The following PFKFB3 variants were observed in gnomAD, a reference collection of about 807,000 sequenced individuals.
PFKFB3 encodes the protein 6-phosphofructo-2-kinase/fructose-2,6-biphosphatase 3, also known as 6-phosphofructo-2-kinase/fructose-2,6-bisphosphatase 3.
A neutral mutation model predicts 68.0 loss-of-function variants in PFKFB3; 33 were observed. The observed-to-expected ratio is 0.49, with a 90% confidence interval of 0.37 to 0.65. The LOEUF (loss-of-function observed/expected upper bound fraction) is 0.65. Among genes scored for constraint, PFKFB3 ranks in the 30% least tolerant of loss-of-function variants. PFKFB3 has a pLI of 0.00. For missense variants in PFKFB3, 586 were observed against 712.2 expected (o/e 0.82, Z 2.02); for synonymous variants, 315 against 288.2 (o/e 1.09, Z -0.94).
chr10:6,283,712 C>A, the PFKFB3 span, among the ~76,000 whole-genome samples: 11 of 152,266 alleles, frequency 7.2e-5, no homozygotes, highest in African/African-American at 2.6e-4. Flanking sequence ...CTGTGGACCC[C>A]CAGATTGAAG....
chr10:6,144,995 G>T, exon 1 of PFKFB3: 1 of 1,326,360 alleles, frequency 7.5e-7, no homozygotes, highest in South Asian at 1.9e-5. Flanking sequence ...CGCCCCCGGC[G>T]CGATGCCCTT....
chr10:6,262,343 GCTCC>G, the PFKFB3 span, among the ~76,000 whole-genome samples: 1 of 128,020 alleles, frequency 7.8e-6, no homozygotes, highest in East Asian at 2.3e-4. Flanking sequence ...AGTCCCAGCT[GCTCC>G]AGAGGCTGAG....
chr10:6,228,205 G>T lies in PFKFB3; in HGVS notation c.1515+1840G>T. 6.2e-7 allele frequency: 1 copy of T among 1,612,794 alleles called. No homozygotes were observed. The highest frequency in any genetic ancestry group is 2.2e-5 in the East Asian group (1 of 44,876). On this transcript the variant is annotated intron_variant, in intron 14 of 14. Transcript: ENST00000379775. This position sits in a 1 kb window ranked among gnomAD's most constrained non-coding sequence, Gnocchi z 4.5. ...TGCTTCTCCTCCGCAGCCTTTGCTAGGGCAAGCCTGTCTGTAAGTATCTCT... is the reference window on the plus strand; with the variant it reads ...TGCTTCTCCTCCGCAGCCTTTGCTATGGCAAGCCTGTCTGTAAGTATCTCT...
upstream of PFKFB3, among the ~76,000 whole-genome samples, chr10:6,201,162 C>A (rs1030479791): frequency 6.6e-6 from 1 of 151,990 alleles, no homozygotes; most frequent in South Asian, 2.1e-4. The surrounding 1 kb of genome is among the most constrained non-coding windows in gnomAD (Gnocchi z 4.1). Flanking sequence ...CCCCCGCGAA[C>A]CCCAGGGCGG....
intron 4 of PFKFB3, 75 bp from the exon 5 acceptor site, chr10:6,216,631 A>G: frequency 2.0e-6 from 2 of 1,011,742 alleles, no homozygotes; most frequent in East Asian, 2.4e-5. Context: ...TGGGTCTGGC[A>G]TCTTTGCTGT....
downstream of PFKFB3, among the ~76,000 whole-genome samples, chr10:6,257,833 C>A (rs111455757): frequency 3.0e-3 from 456 of 152,274 alleles, 3 homozygotes; most frequent in African/African-American, 0.01. Flanking sequence ...TCGGGTCTGG[C>A]ACCCACCTGA....
At chr10:6,149,989 A>C (rs961975605) in intron 1 of PFKFB3, 4 of 152,182 alleles carry the variant, frequency 2.6e-5, no homozygotes, top group African/African-American at 9.7e-5. Context: ...GTTGTTGGAC[A>C]CCTAGGTTGA....
At position 6,226,214 on chromosome 10, in the gene PFKFB3, C is replaced by T. The variant is rs143645269; in HGVS notation, c.1364C>T (p.Pro455Leu). ...TAGGATGCAAAGAAGGGACCTAACC[C>T]GCTCATGAGACGCAATAGTGTCACC... ...RSEDAKKGPN[P>L]LMRRNSVTPL... The change falls in exon 14 of 15, where the codon CCG becomes CTG. Residue 455 changes from proline (P) to leucine (L), a missense_variant. Coordinates refer to ENST00000379775, the MANE Select transcript of PFKFB3 (RefSeq NM_004566.4). 9.0e-4 allele frequency: 1,453 copies of T among 1,609,250 alleles called. 4 individuals are homozygous for T. Among genetic ancestry groups the T allele is most frequent in the Middle Eastern group, 4.0e-3 (24 of 6,038 alleles).
At position 6,229,134 on chromosome 10, in the gene PFKFB3, G is replaced by A. The variant is rs771648969; in HGVS notation, c.1515+2769G>A. On this transcript the variant is annotated intron_variant, in intron 14 of 14. Coordinates refer to ENST00000379775, the MANE Select transcript of PFKFB3 (RefSeq NM_004566.4). The surrounding 1 kb of genome is among the most constrained non-coding windows in gnomAD (Gnocchi z 4.3). ...AAACTGGAAAGGTGTGATGAGGAAT[G>A]CAGCCTGAGATGCTGAAAAGAATGA... The A allele has an allele frequency of 1.9e-6, 1 of 516,300 alleles. No homozygotes were observed. Among genetic ancestry groups the A allele is most frequent in the East Asian group, 5.7e-5 (1 of 17,454 alleles). The allele number at this position is 516,300 out of a possible 1,614,324, so 32.0% of individuals were successfully genotyped here. A position where few individuals can be genotyped will look rare whatever the true frequency, so the allele number is the denominator to read the frequency against.
chr10:6,222,628 A>G (rs1009008607), intron 10 of PFKFB3: 4 of 370,844 alleles, frequency 1.1e-5, no homozygotes, highest in South Asian at 3.4e-5. Flanking sequence ...TCTTTCACAC[A>G]GCATTGAGTT....
At position 6,207,788 on chromosome 10, in the gene PFKFB3, A is replaced by G. The variant is rs565077163; in HGVS notation, c.76+4452A>G. On this transcript the variant is annotated intron_variant, in intron 1 of 14. Transcript: ENST00000379775. ...TTACAAAACCTGTAGCTTCCTTCGC[A>G]TGCATCCTGTAACTCCTGCTGACTT... 6.6e-5 allele frequency among the ~76,000 whole-genome samples: 10 copies of G among 152,342 alleles called. No homozygotes were observed. The East Asian group carries it at 1.9e-3, about 29-fold the overall frequency.
intron 1 of PFKFB3, among the ~76,000 whole-genome samples, chr10:6,165,161 C>G (rs1280521464): frequency 6.6e-6 from 1 of 152,180 alleles, no homozygotes; most frequent in African/African-American, 2.4e-5. Flanking sequence ...GTCCCTGCAG[C>G]CTTCTGCAGT....
At chr10:6,207,417 G>A (rs1469545332) in intron 1 of PFKFB3, among the ~76,000 whole-genome samples, 1 of 152,196 alleles carries the variant, frequency 6.6e-6, no homozygotes, top group Admixed American at 6.5e-5. Context: ...GGCATCAGAG[G>A]GAGACCGTGG....
At chr10:6,260,410 T>G in the PFKFB3 span, among the ~76,000 whole-genome samples, 1 of 38,838 alleles carries the variant, frequency 2.6e-5, no homozygotes, top group East Asian at 9.5e-4. Flanking sequence ...CGAGACTCCG[T>G]CTCAAAAAAA....
In PFKFB3 at chr10:6,167,112, G is replaced by C. The variant is rs1168255781; in HGVS notation, c.16+22099G>C. Among the ~76,000 whole-genome samples the C allele has an allele frequency of 2.0e-5, 3 of 152,186 alleles. No individual in the cohort carries two copies. The South Asian group carries it at 6.2e-4, about 31-fold the overall frequency. ...TGGGATTACAGGCGTGAGCCACCTTGCCTGGCCTCCTAGCCTTTCTTTTTT... is the reference window on the plus strand; with the variant it reads ...TGGGATTACAGGCGTGAGCCACCTTCCCTGGCCTCCTAGCCTTTCTTTTTT... On this transcript the variant is annotated intron_variant, in intron 1 of 14. Coordinates refer to the PFKFB3 transcript ENST00000379789.
upstream of PFKFB3, chr10:6,202,931 C>T (rs957370177): frequency 9.9e-6 from 12 of 1,215,892 alleles, no homozygotes; most frequent in East Asian, 4.7e-5. Flanking sequence ...CGGGGCATCC[C>T]AGCCAAGCCG....
At chr10:6,269,162 C>T in the PFKFB3 span, among the ~76,000 whole-genome samples, 8 of 151,802 alleles carry the variant, frequency 5.3e-5, no homozygotes, top group Middle Eastern at 6.9e-3. Flanking sequence ...TCTTCATCTT[C>T]CCTGAATGGC....
At chr10:6,294,975 G>GTTTTTTTTTTTTTT in the PFKFB3 span, among the ~76,000 whole-genome samples, 1 of 136,680 alleles carries the variant, frequency 7.3e-6, no homozygotes, top group Non-Finnish European at 1.6e-5. Context: ...TTTTTTTTTT[G>GTTTTTTTTTTTTTT]TTTTTTTTTT....
chr10:6,221,082 G>T (rs1310278878), intron 8 of PFKFB3, among the ~76,000 whole-genome samples: 3 of 152,024 alleles, frequency 2.0e-5, no homozygotes, highest in Non-Finnish European at 4.4e-5. Context: ...TATCCATGTG[G>T]CTTTGTGTGT....
Sources: allele counts gnomAD v4.1 joint callset (sites outside exome capture counted in the v4.1 genomes callset), GRCh38; gene constraint gnomAD v4.1.1; non-coding constraint Gnocchi (gnomAD v3.1); transcripts MANE v1.5; gene names NCBI Gene and HGNC (gene_info 2026-07-23, HGNC 2026-07-21).